The following MOCOS variants were observed in gnomAD, a reference collection of about 807,000 sequenced individuals.
The protein encoded by MOCOS is molybdenum cofactor sulfurase.
A neutral mutation model predicts 83.6 loss-of-function variants in MOCOS; 86 were observed. That is an observed-to-expected ratio of 1.03 (90% CI 0.86 to 1.23). The LOEUF (loss-of-function observed/expected upper bound fraction) is 1.23. Ranked by LOEUF, MOCOS falls within the 50% of genes most tolerant of loss-of-function variation. The pLI, the probability that MOCOS is intolerant of heterozygous loss-of-function variation, is 0.00. For synonymous variants in MOCOS, 445 were observed against 434.7 expected, an observed-to-expected ratio of 1.02 and a Z score of -0.29; for missense variants, 1,120 against 1,126.9, an observed-to-expected ratio of 0.99 and a Z score of 0.09.
intron 6 of MOCOS, among the ~76,000 whole-genome samples, chr18:36,210,664 A>C (rs1227393217): frequency 1.3e-5 from 2 of 151,784 alleles, no homozygotes; most frequent in Non-Finnish European, 2.9e-5. Context: ...TATCCTGGCC[A>C]ACATGGCGAA....
intron 7 of MOCOS, 79 bp from the exon 8 acceptor site, chr18:36,215,437 A>C: frequency 7.3e-7 from 1 of 1,377,866 alleles, no homozygotes; most frequent in Non-Finnish European, 1.0e-6. Context: ...AAATTAACAA[A>C]ATTTATTTTG....
intron 14 of MOCOS, 52 bp from the exon 15 acceptor site, chr18:36,268,481 A>C: frequency 6.2e-7 from 1 of 1,611,886 alleles, no homozygotes; most frequent in Non-Finnish European, 8.5e-7. Flanking sequence ...AAGTTATTTT[A>C]ATTGCTAAAA....
Position 36,268,645 on chromosome 18 carries a change from AT to A in MOCOS, c.2630del (p.Leu877TyrfsTer17). On this transcript the variant is annotated frameshift_variant, in exon 15 of 15. Coordinates refer to ENST00000261326, the MANE Select transcript of MOCOS (RefSeq NM_017947.4). LOFTEE classifies it low-confidence loss of function (END_TRUNC). ...PVLKENVEGHDLPASEKHQDV... is the reference protein window; with the variant it reads ...PVLKENVEGHXLPASEKHQDV... The stretch of plus-strand genomic sequence containing the variant: ...TTGAAAGAGAATGTGGAAGGTCATG[AT>A]TTACCTGCATCTGAGAAACACCAGG... 1 of 1,614,080 alleles carries A rather than the reference AT, an allele frequency of 6.2e-7. No individual in the cohort carries two copies. The highest frequency in any genetic ancestry group is 2.2e-5 in the East Asian group (1 of 44,870).
intron 9 of MOCOS, among the ~76,000 whole-genome samples, chr18:36,222,049 C>T (rs1464720258): frequency 2.0e-5 from 3 of 152,164 alleles, no homozygotes; most frequent in Non-Finnish European, 4.4e-5. Flanking sequence ...TTTAAATTGT[C>T]TGTTGTCACA....
intron 9 of MOCOS, 144 bp downstream of exon 9, chr18:36,220,361 A>C: frequency 9.2e-7 from 1 of 1,082,696 alleles, no homozygotes; most frequent in Non-Finnish European, 1.3e-6. Context: ...AAAAAAAATT[A>C]TCCTGGGTGT....
intron 8 of MOCOS, 119 bp from the exon 9 acceptor site, chr18:36,219,936 C>A: frequency 7.8e-7 from 1 of 1,278,088 alleles, no homozygotes; most frequent in Non-Finnish European, 1.1e-6. Context: ...TCCCTTTCTT[C>A]CTTCCAGTGT....
At chr18:36,232,269 C>G (rs2091541257) in intron 9 of MOCOS, among the ~76,000 whole-genome samples, 2 of 152,190 alleles carry the variant, frequency 1.3e-5, no homozygotes, top group Admixed American at 6.5e-5. Context: ...GCCACCATGC[C>G]TGACCTTAAA....
chr18:36,212,357 G>A (rs930840414), intron 6 of MOCOS, among the ~76,000 whole-genome samples: 2 of 151,954 alleles, frequency 1.3e-5, no homozygotes, highest in African/African-American at 2.4e-5. Context: ...GGGCAGCCAC[G>A]GGGACTCTAA....
intron 1 of MOCOS, among the ~76,000 whole-genome samples, chr18:36,192,511 C>T (rs866332716): frequency 1.8e-4 from 27 of 152,198 alleles, no homozygotes; most frequent in Non-Finnish European, 2.9e-4. Flanking sequence ...ATATTGTTAA[C>T]ATGGCAATAA....
intron 6 of MOCOS, 67 bp downstream of exon 6, chr18:36,205,343 G>A: frequency 6.8e-7 from 1 of 1,473,912 alleles, no homozygotes; most frequent in Non-Finnish European, 9.4e-7. Flanking sequence ...GAGCAATGTA[G>A]TGTGACAAAG....
At chr18:36,243,251 T>C (rs2091590730) in intron 9 of MOCOS, among the ~76,000 whole-genome samples, 1 of 152,228 alleles carries the variant, frequency 6.6e-6, no homozygotes, top group African/African-American at 2.4e-5. Context: ...TTTACCGATT[T>C]GGATGCCCTT....
At chr18:36,224,939 AGTT>A (rs989340243) in intron 9 of MOCOS, among the ~76,000 whole-genome samples, 2 of 152,122 alleles carry the variant, frequency 1.3e-5, no homozygotes, top group Admixed American at 6.5e-5. Flanking sequence ...TCTTCATACT[AGTT>A]GTAGGTTTGC....
intron 12 of MOCOS, among the ~76,000 whole-genome samples, chr18:36,259,500 A>G (rs2091654650): frequency 6.6e-6 from 1 of 151,796 alleles, no homozygotes; most frequent in Admixed American, 6.6e-5. Flanking sequence ...TACACTGCAA[A>G]TAGAATGGAA....
At chr18:36,266,949 T>A (rs1385183630) in intron 14 of MOCOS, 96 bp downstream of exon 14, 1 of 1,040,386 alleles carries the variant, frequency 9.6e-7, no homozygotes, top group African/African-American at 1.6e-5. Flanking sequence ...TTTTTTTAAA[T>A]GGGGGATTTG....
At chr18:36,199,564 G>C in intron 3 of MOCOS, 119 bp from the exon 4 acceptor site, 1 of 1,526,960 alleles carries the variant, frequency 6.5e-7, no homozygotes, top group South Asian at 1.1e-5. Flanking sequence ...TCGCAGCTGT[G>C]GCAAACCTAT....
intron 13 of MOCOS, among the ~76,000 whole-genome samples, chr18:36,264,765 C>T (rs188703067): frequency 8.1e-4 from 123 of 151,664 alleles, no homozygotes; most frequent in Admixed American, 2.0e-3. Flanking sequence ...AGAATGTGAG[C>T]GTCAACCTAA....
rs779814875 is a variant in MOCOS at position 36,200,212 on chromosome 18, G to A, written c.829G>A (p.Val277Ile). Reference sequence around the variant, plus strand: ...TCCTACAGGCCTGGGCGCTCTGCTGGTCCATAATCGTGCGGCTCCTCTACT... The same window carrying A: ...TCCTACAGGCCTGGGCGCTCTGCTGATCCATAATCGTGCGGCTCCTCTACT... The part of the protein sequence containing the change: ...GFPTGLGALL[V>I]HNRAAPLLRK... The change falls in exon 4 of 15, where the codon GTC becomes ATC. Residue 277 changes from valine (V) to isoleucine (I), a missense_variant. Transcript: ENST00000261326. 4 of 1,614,224 alleles carry A rather than the reference G, an allele frequency of 2.5e-6. No individual in the cohort carries two copies. The Admixed American group carries it at 6.7e-5, about 27-fold the overall frequency.
At chr18:36,217,005 T>A (rs1025354398) in intron 8 of MOCOS, among the ~76,000 whole-genome samples, 3 of 152,146 alleles carry the variant, frequency 2.0e-5, no homozygotes, top group African/African-American at 7.2e-5. Flanking sequence ...GGACTCTACT[T>A]CTCAAAAATA....
At chr18:36,241,054 AC>A (rs2091580513) in intron 9 of MOCOS, among the ~76,000 whole-genome samples, 1 of 152,080 alleles carries the variant, frequency 6.6e-6, no homozygotes, top group African/African-American at 2.4e-5. Context: ...AGTGAGATGA[AC>A]CCAGTACCTC....
Sources: gnomAD v4.1 joint callset for allele counts (sites outside exome capture counted in the v4.1 genomes callset) on GRCh38, gnomAD v4.1.1 for gene constraint, MANE v1.5 for transcripts, NCBI Gene and HGNC (gene_info 2026-07-23, HGNC 2026-07-21) for gene names.